TDP1: variants seen among roughly 807,000 people sequenced by gnomAD.
TDP1 encodes tyr-DNA phosphodiesterase 1.
TDP1 carries 64 observed loss-of-function variants against 81.5 expected under a neutral mutation model. The observed-to-expected ratio is 0.79, with a 90% CI of 0.64 to 0.97. The LOEUF is 0.97. Among genes scored for constraint, TDP1 ranks in the 50% least tolerant of loss-of-function variants. The pLI is 0.00. For missense variants in TDP1, 723 were observed against 743.8 expected (o/e 0.97, Z 0.33); for synonymous variants, 256 against 264.3 (o/e 0.97, Z 0.30).
chr14:90,029,036 T>C (rs943232847), intron 15 of TDP1, among the ~76,000 whole-genome samples: 6 of 152,164 alleles, frequency 3.9e-5, no homozygotes, highest in Non-Finnish European at 8.8e-5. Flanking sequence ...CCAGGGTTTC[T>C]AGAATTTGGC....
intron 6 of TDP1, among the ~76,000 whole-genome samples, chr14:89,973,820 C>A (rs1049522120): frequency 2.0e-5 from 3 of 152,060 alleles, no homozygotes; most frequent in Non-Finnish European, 4.4e-5. Context: ...GTTCTGGAAG[C>A]TGGGAATTCA....
intron 14 of TDP1, among the ~76,000 whole-genome samples, chr14:90,018,710 G>A (rs1056419803): frequency 2.6e-5 from 4 of 152,148 alleles, no homozygotes; most frequent in African/African-American, 9.7e-5. Context: ...CTCCCAAAAT[G>A]CTGGGATTAC....
chr14:90,029,410 GCTGGTCTCGAA>G (rs955690649), intron 15 of TDP1, among the ~76,000 whole-genome samples: 2 of 151,644 alleles, frequency 1.3e-5, no homozygotes, highest in Non-Finnish European at 2.9e-5. Flanking sequence ...TGTTGGCCAG[GCTGGTCTCGAA>G]CTCCTGACCT....
intron 15 of TDP1, among the ~76,000 whole-genome samples, chr14:90,020,241 A>G (rs576819510): frequency 2.0e-5 from 3 of 152,024 alleles, no homozygotes; most frequent in African/African-American, 4.8e-5. Flanking sequence ...TAAGAGGCAC[A>G]TGGACTGAGA....
At chr14:90,024,468 G>C (rs1329055647) in intron 15 of TDP1, among the ~76,000 whole-genome samples, 1 of 152,182 alleles carries the variant, frequency 6.6e-6, no homozygotes, top group Non-Finnish European at 1.5e-5. Flanking sequence ...TCATGTGGGA[G>C]GCTTTTCCTA....
chr14:89,987,198 CTT>C (rs1419784939), intron 10 of TDP1, among the ~76,000 whole-genome samples: 1 of 152,180 alleles, frequency 6.6e-6, no homozygotes, highest in Non-Finnish European at 1.5e-5. Context: ...AAAAAACTCA[CTT>C]TGTTTCCTCT....
rs191760431 is a variant in TDP1 at position 90,030,938 on chromosome 14, T to A, written c.1645-2168T>A. Among the ~76,000 whole-genome samples, 227 of 151,836 alleles carry A rather than the reference T, an allele frequency of 1.5e-3. 1 individual carries two copies. The highest frequency in any genetic ancestry group is 5.2e-3 in the African/African-American group (214 of 41,376). On this transcript the variant is annotated intron_variant, in intron 15 of 16. Transcript: ENST00000335725. Reference sequence around the variant, plus strand: ...ACACCACCACTCCAGTTAATTTTTTTTTTTGTATTTATTTATTAGAGATGT... The same window carrying A: ...ACACCACCACTCCAGTTAATTTTTTATTTTGTATTTATTTATTAGAGATGT...
chr14:89,997,812 TTA>T lies in TDP1; in HGVS notation c.1541+4339_1541+4340del, dbSNP rs139315980. Among the ~76,000 whole-genome samples, 903 of 152,230 alleles carry T rather than the reference TTA, an allele frequency of 5.9e-3. 6 individuals are homozygous for T. The highest frequency in any genetic ancestry group is 0.021 in the African/African-American group (866 of 41,520). ...TTTTCTTCTACCTAAGAAAAATGTT[TTA>T]TATATATATTCTATTTTGGGTATCA... On this transcript the variant is annotated intron_variant, in intron 14 of 16. Transcript: ENST00000335725.
chr14:89,993,618 C>G, intron 14 of TDP1, 135 bp downstream of exon 14: 1 of 1,412,588 alleles, frequency 7.1e-7, no homozygotes, highest in East Asian at 2.5e-5. Context: ...GTTACATGAG[C>G]CTTATTTAAA....
chr14:90,022,912 C>A, intron 15 of TDP1: 2 of 757,902 alleles, frequency 2.6e-6, no homozygotes, highest in Non-Finnish European at 4.4e-6. Flanking sequence ...ACGGAACAGC[C>A]CGACGGTTCC....
rs1891519361 is a variant in TDP1, at chr14:89,955,976, T to C, written c.-231+6T>C. 6.6e-6 allele frequency: 1 copy of C among 152,436 alleles called. No homozygotes were observed. Among genetic ancestry groups the C allele is most frequent in the Admixed American group, 6.5e-5 (1 of 15,280 alleles). 9.4% of individuals were successfully genotyped at this position (152,436 alleles called of 1,614,324 possible). ...GTTGGTTCTGTGCGCCTCAGGTACG[T>C]GTTGGGCGGCAGTGGGCGCGGACTC... On this transcript the variant is annotated splice_donor_region_variant and intron_variant, in intron 1 of 16. Coordinates refer to ENST00000335725, the MANE Select transcript of TDP1 (RefSeq NM_018319.4).
rs995142150 is a variant in TDP1, at chr14:89,965,808, A to G, written c.560-339A>G. The G allele has an allele frequency of 5.1e-6, 5 of 984,910 alleles. No homozygotes were observed. In the African/African-American group the frequency reaches 8.7e-5, roughly 17 times the overall value. 61.0% of individuals were successfully genotyped at this position (984,910 alleles called of 1,614,324 possible). A position where few individuals can be genotyped will look rare whatever the true frequency, so the allele number is the denominator to read the frequency against. On this transcript the variant is annotated intron_variant, in intron 3 of 16. Transcript: ENST00000335725. Reference sequence around the variant, plus strand: ...GGAGATTTCCTGGAGAGGGACTTGAATGGGTACTTGGAGGAGGTAGAAGTT... The same window carrying G: ...GGAGATTTCCTGGAGAGGGACTTGAGTGGGTACTTGGAGGAGGTAGAAGTT...
chr14:89,958,381 A>C (rs1454243664), intron 2 of TDP1: 1 of 152,282 alleles, frequency 6.6e-6, no homozygotes, highest in East Asian at 1.9e-4. Context: ...TGACAACCGA[A>C]GGGGAAAAGG....
intron 14 of TDP1, among the ~76,000 whole-genome samples, chr14:89,998,420 A>ATATATATATATATGTATG (rs1566891293): frequency 2.5e-5 from 2 of 79,280 alleles, no homozygotes; most frequent in African/African-American, 1.3e-4. Flanking sequence ...ATATATATAT[A>ATATATATATATATGTATG]TATGTATGTA....
chr14:90,008,419 C>T (rs1396281759), intron 14 of TDP1, among the ~76,000 whole-genome samples: 1 of 152,096 alleles, frequency 6.6e-6, no homozygotes, highest in South Asian at 2.1e-4. Flanking sequence ...TTCTTGGATA[C>T]CATATGTTTC....
At chr14:90,034,261 G>T (rs188602018) in intron 16 of TDP1, among the ~76,000 whole-genome samples, 3 of 152,266 alleles carry the variant, frequency 2.0e-5, no homozygotes, top group Admixed American at 2.0e-4. Flanking sequence ...AAATGAAAAT[G>T]AAAACAACAA....
intron 8 of TDP1, chr14:89,981,341 A>T (rs890803757): frequency 5.2e-6 from 2 of 388,100 alleles, no homozygotes; most frequent in Non-Finnish European, 1.0e-5. Flanking sequence ...CATATGCTAG[A>T]TCCAGGTTTT....
intron 7 of TDP1, among the ~76,000 whole-genome samples, chr14:89,978,717 A>G (rs907339148): frequency 6.6e-5 from 10 of 152,266 alleles, no homozygotes; most frequent in Admixed American, 6.5e-4. Flanking sequence ...ACTAATGGAA[A>G]TATTTGTAAA....
rs760646877 is a variant in TDP1, at chr14:89,993,520, T to C, written c.1541+37T>C. ...TTACATTCCTGATGGGAGAAATCTT[T>C]TTAATGTGTTCATAATTCTTGCTCT... is the stretch of plus-strand genomic sequence containing the variant. On this transcript the variant is annotated intron_variant, in intron 14 of 16. Coordinates refer to ENST00000335725, the MANE Select transcript of TDP1 (RefSeq NM_018319.4). The C allele has an allele frequency of 7.8e-5, 125 of 1,606,688 alleles. 1 individual carries two copies. In the South Asian group the frequency reaches 1.3e-3, roughly 16 times the overall value.
Sources: allele counts gnomAD v4.1 joint callset (sites outside exome capture counted in the v4.1 genomes callset), GRCh38; gene constraint gnomAD v4.1.1; transcripts MANE v1.5; gene names NCBI Gene and HGNC (gene_info 2026-07-23, HGNC 2026-07-21).